The following TRIM39 variants were observed in gnomAD, a reference collection of about 807,000 sequenced individuals.
TRIM39 encodes tripartite motif containing 39.
TRIM39 carries 5 observed loss-of-function variants against 53.6 expected under a neutral mutation model. The observed-to-expected ratio is 0.09, with a 90% CI of 0.05 to 0.20. The LOEUF is 0.20. Among genes scored for constraint, TRIM39 ranks in the 10% least tolerant of loss-of-function variants. The pLI is 1.00. For missense variants in TRIM39, 310 were observed against 621.0 expected (o/e 0.50, Z 5.32); for synonymous variants, 196 against 237.6 (o/e 0.82, Z 1.61).
At chr6:30,336,775 G>A (rs1444278171) in intron 5 of TRIM39, among the ~76,000 whole-genome samples, 1 of 152,100 alleles carries the variant, frequency 6.6e-6, no homozygotes, top group Non-Finnish European at 1.5e-5. Context: ...TGTTAATATT[G>A]ATATTTTGGC....
At chr6:30,340,669 A>G in intron 7 of TRIM39, 49 bp downstream of exon 7, 2 of 1,576,034 alleles carry the variant, frequency 1.3e-6, no homozygotes, top group Non-Finnish European at 1.7e-6. Flanking sequence ...GAGAGAAGAA[A>G]GTTTTTAGGT....
chr6:30,341,621 A>T (rs983473116), intron 7 of TRIM39, 91 bp from the exon 8 acceptor site: 36 of 1,494,146 alleles, frequency 2.4e-5, no homozygotes, highest in Non-Finnish European at 3.0e-5. Context: ...TTAAGGGACC[A>T]GGCTCTGTAA....
exon 3 of TRIM39, chr6:30,329,521 C>G (rs758443539): frequency 1.2e-6 from 2 of 1,613,136 alleles, no homozygotes; most frequent in South Asian, 2.2e-5. Flanking sequence ...CTTGTCCTGT[C>G]TGTCGAAAGA....
intron 4 of TRIM39, among the ~76,000 whole-genome samples, chr6:30,332,989 A>C (rs760018114): frequency 6.6e-6 from 1 of 152,258 alleles, no homozygotes; most frequent in African/African-American, 2.4e-5. Context: ...TAATATAATG[A>C]AACATAATTG....
chr6:30,333,888 G>A (rs773806236), intron 4 of TRIM39, among the ~76,000 whole-genome samples: 1 of 152,030 alleles, frequency 6.6e-6, no homozygotes, highest in Non-Finnish European at 1.5e-5. Flanking sequence ...AAAGAGAAAA[G>A]ATTACCGGTT....
At chr6:30,329,205 G>A in intron 2 of TRIM39, 106 bp from the exon 3 acceptor site, 1 of 1,299,210 alleles carries the variant, frequency 7.7e-7, no homozygotes, top group African/African-American at 1.5e-5. Flanking sequence ...TCTGGAGTTA[G>A]GACTTAACAT....
chr6:30,329,848 A>T, intron 3 of TRIM39, 78 bp downstream of exon 3: 4 of 1,517,652 alleles, frequency 2.6e-6, no homozygotes, highest in Non-Finnish European at 3.5e-6. Flanking sequence ...CTAGGTAGAG[A>T]TCGTAAGCTC....
rs576919420 is a variant in TRIM39 at position 30,339,297 on chromosome 6, C to T, written c.781-611C>T. 5.8e-4 allele frequency among the ~76,000 whole-genome samples: 88 copies of T among 152,044 alleles called. No individual in the cohort carries two copies. The highest frequency in any genetic ancestry group is 2.1e-3 in the African/African-American group (85 of 41,462). On this transcript the variant is annotated intron_variant, in intron 5 of 7. Coordinates refer to ENST00000396551, the Ensembl canonical transcript of TRIM39. This position sits in a 1 kb window ranked among gnomAD's most constrained non-coding sequence, Gnocchi z 4.2. ...CTGAGTAGCTGGGGTTACAGGCGCA[C>T]ACCACCACACCTGGCTAATTTTTGT...
At chr6:30,329,247 A>AG (rs1457864831) in intron 2 of TRIM39, 64 bp from the exon 3 acceptor site, 3 of 1,515,818 alleles carry the variant, frequency 2.0e-6, no homozygotes, top group Non-Finnish European at 2.6e-6. Flanking sequence ...GATGCAAAAA[A>AG]AAAAAAAAGA....
At chr6:30,329,480 C>T (rs1562401602) in exon 3 of TRIM39, 1 of 1,613,064 alleles carries the variant, frequency 6.2e-7, no homozygotes, top group Non-Finnish European at 8.5e-7. Context: ...TTGCATCACC[C>T]GCTGGTGGGA....
intron 5 of TRIM39, among the ~76,000 whole-genome samples, chr6:30,336,633 A>G (rs1786896635): frequency 6.6e-6 from 1 of 152,232 alleles, no homozygotes; most frequent in African/African-American, 2.4e-5. Context: ...ATGCTGTTTA[A>G]TAGCATTTTA....
At position 30,342,134 on chromosome 6, in the gene TRIM39, T is replaced by A; in HGVS notation, c.1342T>A (p.Ser448Thr). 6.2e-7 allele frequency: 1 copy of A among 1,612,132 alleles called. No homozygotes were observed. Among genetic ancestry groups the A allele is most frequent in the Non-Finnish European group, 8.5e-7 (1 of 1,179,712 alleles). Residue 448 changes from serine (S) to threonine (T), a missense_variant, in exon 8 of 8, where the codon TCT (serine) becomes ACT (threonine). Around this residue, in one of 5 missense-constraint regions of TRIM39, gnomAD observed 75 missense variants for 244.8 expected, o/e 0.31. Transcript: ENST00000396551. This position sits in a 1 kb window ranked among gnomAD's most constrained non-coding sequence, Gnocchi z 4.7. ...GTCTTTCTACAATGTCACAGACCGCTCTCATATCTACACCTTCACTGATAC... is the reference window on the plus strand; with the variant it reads ...GTCTTTCTACAATGTCACAGACCGCACTCATATCTACACCTTCACTGATAC...
At chr6:30,336,173 T>C (rs1227146245) in intron 5 of TRIM39, 198 bp downstream of exon 5, 2 of 802,850 alleles carry the variant, frequency 2.5e-6, no homozygotes, top group Non-Finnish European at 4.2e-6. Flanking sequence ...TGTGTTCTTA[T>C]CTCTGGTCAG....
At chr6:30,331,085 C>T (rs1348520039) in intron 4 of TRIM39, among the ~76,000 whole-genome samples, 1 of 152,126 alleles carries the variant, frequency 6.6e-6, no homozygotes, top group Non-Finnish European at 1.5e-5. Context: ...CCCTGGGCAA[C>T]ATGGTGAAAC....
chr6:30,338,557 C>T lies in TRIM39; in HGVS notation c.781-1351C>T, dbSNP rs1437484888. Among the ~76,000 whole-genome samples the T allele has an allele frequency of 6.7e-6, 1 of 150,080 alleles. No individual in the cohort carries two copies. The highest frequency in any genetic ancestry group is 1.5e-5 in the Non-Finnish European group (1 of 67,750). On this transcript the variant is annotated intron_variant, in intron 5 of 7. Transcript: ENST00000396551. This position sits in a 1 kb window ranked among gnomAD's most constrained non-coding sequence, Gnocchi z 4.0. The stretch of plus-strand genomic sequence containing the variant: ...GATGCAGTTCACAGTGCCCCCATAA[C>T]GATTACAATAGTAACATCAAAGATC...
rs758967694 is a variant in TRIM39 at position 30,342,308 on chromosome 6, G to A, written c.*49G>A. 30 of 1,581,684 alleles carry A rather than the reference G, an allele frequency of 1.9e-5. No individual in the cohort carries two copies. The highest frequency in any genetic ancestry group is 2.3e-5 in the Non-Finnish European group (27 of 1,159,660). On this transcript the variant is annotated 3_prime_UTR_variant, in exon 8 of 8. Coordinates refer to ENST00000396551, the Ensembl canonical transcript of TRIM39. The surrounding 1 kb of genome is among the most constrained non-coding windows in gnomAD (Gnocchi z 4.7). ...GGGGTGAGGCAGGGTCAAGTGCTACGGGCCTCCTTCCCGTGTCCTGCTGGA... is the reference window on the plus strand; with the variant it reads ...GGGGTGAGGCAGGGTCAAGTGCTACAGGCCTCCTTCCCGTGTCCTGCTGGA...
chr6:30,327,069 G>C (rs1196824449), intron 1 of TRIM39, 74 bp downstream of exon 1: 1 of 152,102 alleles, frequency 6.6e-6, no homozygotes, highest in Non-Finnish European at 1.5e-5. Context: ...CCGCGTCCCA[G>C]CGCCCCGCGA....
rs1785811345 is a variant in TRIM39, at chr6:30,329,183, A to G, written c.-7-128A>G. 3.6e-6 allele frequency: 4 copies of G among 1,112,354 alleles called. No individual in the cohort carries two copies. The Admixed American group carries it at 7.5e-5, about 21-fold the overall frequency. 68.9% of individuals were successfully genotyped at this position (1,112,354 alleles called of 1,614,324 possible). A position where few individuals can be genotyped will look rare whatever the true frequency, so the allele number is the denominator to read the frequency against. On this transcript the variant is annotated intron_variant, in intron 2 of 7. Coordinates refer to ENST00000396551, the Ensembl canonical transcript of TRIM39. Reference sequence around the variant, plus strand: ...TTGGAAGAGAAGATGGAGAATAACAAGAAGGGGCAAATCTGGAGTTAGGAC... The same window carrying G: ...TTGGAAGAGAAGATGGAGAATAACAGGAAGGGGCAAATCTGGAGTTAGGAC...
rs140287492 is a variant in TRIM39 at position 30,342,100 on chromosome 6, C to T, written c.1308C>T (p.Ala436=). 3.2e-5 allele frequency: 52 copies of T among 1,612,962 alleles called. No homozygotes were observed. Among genetic ancestry groups the T allele is most frequent in the Non-Finnish European group, 4.1e-5 (48 of 1,180,048 alleles). Residue 436 remains alanine (A), a synonymous_variant, in exon 8 of 8, where the codon GCC becomes GCT. Transcript: ENST00000396551. The surrounding 1 kb of genome is among the most constrained non-coding windows in gnomAD (Gnocchi z 4.7). ...TAGGCATATTCCTAGACTATGAGGC[C>T]GGCACACTGTCTTTCTACAATGTCA...
Sources: gnomAD v4.1 joint callset for allele counts (sites outside exome capture counted in the v4.1 genomes callset) on GRCh38, gnomAD v4.1.1 for gene constraint, gnomAD v4.1.1 regional missense constraint, Gnocchi (gnomAD v3.1) non-coding constraint, MANE v1.5 for transcripts, NCBI Gene and HGNC (gene_info 2026-07-23, HGNC 2026-07-21) for gene names.